DCC: variants seen among roughly 807,000 people sequenced by gnomAD.
DCC encodes the protein DCC netrin 1 receptor, also known as netrin receptor DCC.
Under a neutral mutation model 172.5 loss-of-function variants are expected in DCC, and 58 were observed. The ratio of observed to expected loss-of-function variants is 0.34; its 90% confidence interval spans 0.27 to 0.42. The LOEUF is 0.42. Ranked by LOEUF, DCC falls within the 10% of genes least tolerant of loss-of-function variation. The probability of loss-of-function intolerance (pLI) is 1.00; values close to 1 mark genes in which losing one functional copy is unlikely to be tolerated. For synonymous variants in DCC, 709 were observed against 644.5 expected, an observed-to-expected ratio of 1.10 and a Z score of -1.52; for missense variants, 1,740 against 1,791.0, an observed-to-expected ratio of 0.97 and a Z score of 0.51.
intron 1 of DCC, among the ~76,000 whole-genome samples, chr18:52,711,274 C>T (rs1409350673): frequency 1.3e-5 from 2 of 152,182 alleles, no homozygotes; most frequent in East Asian, 3.9e-4. Flanking sequence ...GTTGCCCAGG[C>T]TGGAGTGCAA....
intron 2 of DCC, among the ~76,000 whole-genome samples, chr18:52,899,025 T>C (rs2039772872): frequency 6.6e-6 from 1 of 152,212 alleles, no homozygotes. Context: ...AAATGCCTTA[T>C]GGATAGCCTC....
intron 5 of DCC, among the ~76,000 whole-genome samples, chr18:52,926,859 G>GTGTATA (rs1347303331): frequency 6.9e-6 from 1 of 144,968 alleles, no homozygotes; most frequent in Non-Finnish European, 1.5e-5. Context: ...ATACGTGTGT[G>GTGTATA]TGTATATATA....
intron 5 of DCC, among the ~76,000 whole-genome samples, chr18:53,025,204 G>A (rs370627972): frequency 2.0e-5 from 3 of 152,056 alleles, no homozygotes; most frequent in Non-Finnish European, 4.4e-5. Flanking sequence ...ATGAGAATTC[G>A]TGAAAAATAG....
At position 52,861,442 on chromosome 18, in the gene DCC, G is replaced by A. The variant is rs2082432863; in HGVS notation, c.413-44602G>A. Among the ~76,000 whole-genome samples the A allele has an allele frequency of 2.0e-5, 3 of 152,182 alleles. No homozygotes were observed. The South Asian group carries it at 6.2e-4, about 31-fold the overall frequency. ...AGTGTGTCCTCTTACAGAAGAAACT[G>A]ATTCTTGTGGAACCTATGTAAACAA... On this transcript the variant is annotated intron_variant, in intron 2 of 28. Transcript: ENST00000442544.
chr18:53,017,802 TGTA>T (rs1225857671), intron 5 of DCC, among the ~76,000 whole-genome samples: 8 of 152,232 alleles, frequency 5.3e-5, no homozygotes, highest in African/African-American at 1.7e-4. Flanking sequence ...GCCAAAAATT[TGTA>T]GTATTTTCTT....
chr18:52,650,903 A>T (rs1218638938), intron 1 of DCC, among the ~76,000 whole-genome samples: 4 of 152,210 alleles, frequency 2.6e-5, no homozygotes, highest in Non-Finnish European at 5.9e-5. Context: ...TCAAACAAGA[A>T]ATCTACTTTT....
intron 1 of DCC, among the ~76,000 whole-genome samples, chr18:52,555,671 T>G (rs1270378618): frequency 1.3e-5 from 2 of 152,132 alleles, no homozygotes; most frequent in Non-Finnish European, 2.9e-5. Flanking sequence ...TGCTTTTTAG[T>G]ACAGATTTTG....
intron 1 of DCC, among the ~76,000 whole-genome samples, chr18:52,470,928 T>C (rs1328438913): frequency 6.6e-6 from 1 of 152,204 alleles, no homozygotes; most frequent in Non-Finnish European, 1.5e-5. Flanking sequence ...CATAATCTGC[T>C]GTAAGGCACT....
intron 2 of DCC, among the ~76,000 whole-genome samples, chr18:52,825,515 T>C (rs1320972301): frequency 1.3e-5 from 2 of 152,174 alleles, no homozygotes; most frequent in Non-Finnish European, 2.9e-5. Context: ...CTATTATAGT[T>C]ATATAATTAT....
Position 53,526,903 on chromosome 18 carries a change from T to C in DCC, c.4254+144T>C. The C allele has an allele frequency of 5.1e-6, 4 of 787,244 alleles. No homozygotes were observed. The South Asian group carries it at 5.9e-5, about 12-fold the overall frequency. The allele number at this position is 787,244 out of a possible 1,614,324, so 48.8% of individuals were successfully genotyped here. On this transcript the variant is annotated intron_variant, in intron 28 of 28. Coordinates refer to ENST00000442544, the MANE Select transcript of DCC (RefSeq NM_005215.4). ...TCTTATTGTTGTTTGTTCCTTTGTT[T>C]TCCTGCACTTAAATATGAAGAGGAA...
Position 53,467,980 on chromosome 18 carries a change from A to T in DCC, c.3706A>T (p.Ile1236Phe), listed in dbSNP as rs775203729. 6.9e-6 allele frequency: 11 copies of T among 1,604,516 alleles called. No homozygotes were observed. Among genetic ancestry groups the T allele is most frequent in the Non-Finnish European group, 8.5e-6 (10 of 1,171,568 alleles). ...CCGAGCCCCCCGGGCCAAGCTCATG[A>T]TTCCCATGGATGCCCAGTCCAACAA... ...ARRAPRAKLM[I>F]PMDAQSNNPA... The change falls in exon 25 of 29, where the codon ATT (isoleucine) becomes TTT (phenylalanine). Residue 1236 changes from isoleucine to phenylalanine, a missense_variant. Physicochemically the swap from Ile to Phe is conservative, Grantham distance 21. Coordinates refer to ENST00000442544, the MANE Select transcript of DCC (RefSeq NM_005215.4).
chr18:52,609,718 G>A (rs1301046720), intron 1 of DCC, among the ~76,000 whole-genome samples: 1 of 149,698 alleles, frequency 6.7e-6, no homozygotes, highest in Non-Finnish European at 1.5e-5. Flanking sequence ...ATCTGGACGG[G>A]GACCTGAAAA....
At chr18:53,304,103 C>T (rs375284084) in intron 12 of DCC, among the ~76,000 whole-genome samples, 1 of 152,136 alleles carries the variant, frequency 6.6e-6, no homozygotes, top group Non-Finnish European at 1.5e-5. Context: ...TTCCTCTCCT[C>T]TTCTGCTAGT....
At chr18:52,744,101 C>T (rs1041542133) in intron 1 of DCC, among the ~76,000 whole-genome samples, 2 of 152,028 alleles carry the variant, frequency 1.3e-5, no homozygotes, top group Non-Finnish European at 2.9e-5. Flanking sequence ...ATACAGGATG[C>T]TCTGTTATAT....
intron 1 of DCC, among the ~76,000 whole-genome samples, chr18:52,343,290 T>G (rs760484942): frequency 6.6e-6 from 1 of 152,142 alleles, no homozygotes; most frequent in East Asian, 1.9e-4. Context: ...AAAGGACCAG[T>G]AGGAGGTGCC....
chr18:53,203,234 T>TGCGC (rs1555729706), intron 9 of DCC, among the ~76,000 whole-genome samples: 1 of 145,864 alleles, frequency 6.9e-6, no homozygotes, highest in African/African-American at 2.5e-5. Context: ...TGTGTGTGTG[T>TGCGC]GCGTGTGTGT....
At chr18:52,635,025 T>A (rs2034747147) in intron 1 of DCC, among the ~76,000 whole-genome samples, 2 of 152,202 alleles carry the variant, frequency 1.3e-5, no homozygotes, top group South Asian at 2.1e-4. Flanking sequence ...TAGTAAATTA[T>A]TTTCTCTACC....
chr18:52,767,840 T>A, intron 2 of DCC, among the ~76,000 whole-genome samples: 1 of 152,174 alleles, frequency 6.6e-6, no homozygotes, highest in East Asian at 1.9e-4. Context: ...CACAAACAAC[T>A]CTTATAACTT....
chr18:52,499,011 C>A (rs2030914982), intron 1 of DCC, among the ~76,000 whole-genome samples: 1 of 152,328 alleles, frequency 6.6e-6, no homozygotes, highest in East Asian at 1.9e-4. Flanking sequence ...CTGACATCTT[C>A]TCTGACCGTA....
Sources: gnomAD v4.1 joint callset for allele counts (sites outside exome capture counted in the v4.1 genomes callset) on GRCh38, gnomAD v4.1.1 for gene constraint, MANE v1.5 for transcripts, NCBI Gene and HGNC (gene_info 2026-07-23, HGNC 2026-07-21) for gene names.